The following RIPPLY2 variants were observed in gnomAD, a reference collection of about 807,000 sequenced individuals.
RIPPLY2 encodes ripply transcriptional repressor 2.
Under a neutral mutation model 17.7 loss-of-function variants are expected in RIPPLY2, and 20 were observed. The observed-to-expected ratio is 1.13, with a 90% CI of 0.79 to 1.64. RIPPLY2 has a LOEUF of 1.64. Among genes scored for constraint, RIPPLY2 ranks in the 40% most tolerant of loss-of-function variants. The probability of loss-of-function intolerance (pLI) is 0.00; values close to 1 mark genes in which losing one functional copy is unlikely to be tolerated. For missense variants in RIPPLY2, 213 were observed against 169.8 expected (o/e 1.25, Z -1.41); for synonymous variants, 69 against 63.9 (o/e 1.08, Z -0.38).
intron 2 of RIPPLY2, 63 bp downstream of exon 2, chr6:83,853,836 C>T (rs191273089): frequency 2.7e-4 from 384 of 1,433,788 alleles, no homozygotes; most frequent in Non-Finnish European, 3.5e-4. Context: ...CCAGGGCTCT[C>T]GGGACGCAGG....
chr6:83,854,356 G>A lies in RIPPLY2; in HGVS notation c.239+195G>A, dbSNP rs2298288. 61,144 of 604,892 alleles carry A rather than the reference G, an allele frequency of 0.1. 8,407 individuals are homozygous for A. The highest frequency in any genetic ancestry group is 0.46 in the African/African-American group (24,757 of 53,966). 37.5% of individuals were successfully genotyped at this position (604,892 alleles called of 1,614,324 possible). On this transcript the variant is annotated intron_variant, in intron 3 of 3. Transcript: ENST00000369689. The stretch of plus-strand genomic sequence containing the variant: ...GCTCACGGTCCCACGTAAAGGGACT[G>A]TTGATGAATACATACTCAGTGAACT...
chr6:83,853,726 G>C lies in RIPPLY2; in HGVS notation c.127G>C (p.Ala43Pro). ...AGGCTTCTGGAGACCCTGGGTGGAC[G>C]CCGGAGGCAAGAAAGAAGAGGAGAC... is the stretch of plus-strand genomic sequence containing the variant. ...YAGFWRPWVD[A>P]GGKKEEETPN... Residue 43 changes from alanine to proline, a missense_variant, in exon 2 of 4, where the codon GCC becomes CCC. By Grantham distance (27) the Ala-to-Pro change is conservative. Coordinates refer to ENST00000369689, the MANE Select transcript of RIPPLY2 (RefSeq NM_001009994.3). The C allele has an allele frequency of 1.9e-6, 3 of 1,613,772 alleles. No homozygotes were observed. Among genetic ancestry groups the C allele is most frequent in the Non-Finnish European group, 1.7e-6 (2 of 1,179,954 alleles).
chr6:83,853,985 T>C, intron 2 of RIPPLY2, 112 bp from the exon 3 acceptor site: 1 of 1,161,008 alleles, frequency 8.6e-7, no homozygotes, highest in Non-Finnish European at 1.3e-6. Context: ...GCGAGGCTGC[T>C]GAGAGCCCTG....
chr6:83,853,917 G>A (rs971541113), intron 2 of RIPPLY2, 144 bp downstream of exon 2: 62 of 995,692 alleles, frequency 6.2e-5, no homozygotes, highest in Non-Finnish European at 9.2e-5. Context: ...TGGCCATAAA[G>A]GTGCCGACGC....
chr6:83,853,503 G>A lies in RIPPLY2; in HGVS notation c.87G>A (p.Ala29=), dbSNP rs1009871056. 6.5e-7 allele frequency: 1 copy of A among 1,538,568 alleles called. No individual in the cohort carries two copies. ...ATDGPTRRAG[A]DSGYAGFWRP... is the part of the protein sequence containing the mutation. ...ACGGCCCTACGCGGCGCGCGGGCGC[G>A]GACTCCGGGTAGGCTTCCCCGCGCT... Residue 29 remains alanine (A), a synonymous_variant, in exon 1 of 4, where the codon GCG becomes GCA. Transcript: ENST00000369689.
At position 83,853,442 on chromosome 6, in the gene RIPPLY2, G is replaced by A. The variant is rs539627444; in HGVS notation, c.26G>A (p.Gly9Asp). 6 of 1,544,040 alleles carry A rather than the reference G, an allele frequency of 3.9e-6. No homozygotes were observed. Among genetic ancestry groups the A allele is most frequent in the Non-Finnish European group, 4.4e-6 (5 of 1,146,576 alleles). MENAGGAEGTESGAAACAA... is the reference protein window; with the variant it reads MENAGGAEDTESGAAACAA... ...ATGGAGAACGCGGGAGGCGCAGAGGGTACAGAGAGTGGAGCTGCGGCGTGC... is the reference window on the plus strand; with the variant it reads ...ATGGAGAACGCGGGAGGCGCAGAGGATACAGAGAGTGGAGCTGCGGCGTGC... Residue 9 changes from glycine to aspartate, a missense_variant, in exon 1 of 4, where the codon GGT (glycine) becomes GAT (aspartate). Gly to Asp is a moderately conservative substitution (Grantham distance 94, BLOSUM62 -1). Coordinates refer to ENST00000369689, the MANE Select transcript of RIPPLY2 (RefSeq NM_001009994.3).
upstream of RIPPLY2, chr6:83,853,342 G>A (rs1014949402): frequency 8.1e-7 from 1 of 1,237,536 alleles, no homozygotes; most frequent in Admixed American, 2.4e-5. Context: ...TATAAAGCTC[G>A]GGTCTCGGAC....
intron 3 of RIPPLY2, chr6:83,854,838 A>G (rs2099454757): frequency 6.6e-6 from 1 of 152,490 alleles, no homozygotes; most frequent in Non-Finnish European, 1.5e-5. Context: ...AATAACACAT[A>G]GAAGTCATTA....
At position 83,853,552 on chromosome 6, in the gene RIPPLY2, C is replaced by G. The variant is rs768011974; in HGVS notation, c.95+41C>G. The G allele has an allele frequency of 3.3e-6, 5 of 1,536,062 alleles. No individual in the cohort carries two copies. The Admixed American group carries it at 6.3e-5, about 19-fold the overall frequency. ...CTGCTCTGCGCCTCCCAGCTTCCCC[C>G]GTCTCTCCCTCCTGCGCCTCCCCAG... On this transcript the variant is annotated intron_variant, in intron 1 of 3. Coordinates refer to ENST00000369689, the MANE Select transcript of RIPPLY2 (RefSeq NM_001009994.3).
chr6:83,853,586 C>T, intron 1 of RIPPLY2, 75 bp downstream of exon 1: 27 of 1,537,138 alleles, frequency 1.8e-5, no homozygotes, highest in East Asian at 2.4e-5. Flanking sequence ...AGCTCCTCCC[C>T]TCCAACTCTC....
chr6:83,855,854 C>G (rs567384905), intron 3 of RIPPLY2: 1 of 152,096 alleles, frequency 6.6e-6, no homozygotes, highest in Non-Finnish European at 1.5e-5. Context: ...AAAGAGAGGT[C>G]CACAAGGAGA....
At chr6:83,853,994 T>C (rs2099454612) in intron 2 of RIPPLY2, 103 bp from the exon 3 acceptor site, 2 of 1,208,680 alleles carry the variant, frequency 1.7e-6, no homozygotes, top group Non-Finnish European at 1.2e-6. Flanking sequence ...CTGAGAGCCC[T>C]GGGGTTACAT....
At chr6:83,854,312 C>G in intron 3 of RIPPLY2, 151 bp downstream of exon 3, 1 of 661,616 alleles carries the variant, frequency 1.5e-6, no homozygotes, top group East Asian at 2.7e-5. Flanking sequence ...TCTCACTCAT[C>G]AAATTGAAAA....
At chr6:83,855,839 C>G (rs1303481138) in intron 3 of RIPPLY2, 2 of 152,098 alleles carry the variant, frequency 1.3e-5, no homozygotes, top group African/African-American at 4.8e-5. Flanking sequence ...AACCAGTACA[C>G]AGAGAAAGAG....
At chr6:83,856,120 T>C (rs572567615) in intron 3 of RIPPLY2, 2 of 152,354 alleles carry the variant, frequency 1.3e-5, no homozygotes, top group South Asian at 4.1e-4. Context: ...TGGTGTGTTT[T>C]ATTCTTTTTA....
At chr6:83,854,299 T>A in intron 3 of RIPPLY2, 138 bp downstream of exon 3, 1 of 699,976 alleles carries the variant, frequency 1.4e-6, no homozygotes, top group South Asian at 1.6e-5. Flanking sequence ...AGGTTACTTA[T>A]CTTCTCACTC....
chr6:83,855,398 G>A (rs879435796), intron 3 of RIPPLY2: 2 of 152,176 alleles, frequency 1.3e-5, no homozygotes, highest in Non-Finnish European at 2.9e-5. Context: ...TGGAAGTGAG[G>A]GTGAGACTGG....
intron 3 of RIPPLY2, chr6:83,855,724 G>A (rs2099454893): frequency 6.6e-6 from 1 of 152,186 alleles, no homozygotes; most frequent in Non-Finnish European, 1.5e-5. Context: ...GGGAGTCCAT[G>A]GTAAATGTAG....
chr6:83,853,949 G>T, intron 2 of RIPPLY2, 148 bp from the exon 3 acceptor site: 1 of 1,003,194 alleles, frequency 1.0e-6, no homozygotes, highest in East Asian at 2.5e-5. Flanking sequence ...CCTCTGGAGC[G>T]ATGGGCCACA....
Sources: allele counts gnomAD v4.1 joint callset, GRCh38; gene constraint gnomAD v4.1.1; transcripts MANE v1.5; gene names NCBI Gene and HGNC (gene_info 2026-07-23, HGNC 2026-07-21).